Variants in FSD1L observed in about 807,000 individuals in gnomAD.
FSD1L encodes the protein FSD1-like protein.
FSD1L carries 45 observed loss-of-function variants against 71.6 expected under a neutral mutation model. The observed-to-expected ratio is 0.63, with a 90% CI of 0.49 to 0.81. FSD1L has a LOEUF of 0.81. Ranked by LOEUF, FSD1L falls within the 30% of genes least tolerant of loss-of-function variation. FSD1L has a pLI of 0.00. For synonymous variants in FSD1L, 197 were observed against 207.2 expected (o/e 0.95, Z 0.42); for missense variants, 561 against 618.1 (o/e 0.91, Z 0.98).
chr9:105,529,611 G>C (rs936605622), intron 10 of FSD1L, among the ~76,000 whole-genome samples: 2 of 152,028 alleles, frequency 1.3e-5, no homozygotes, highest in African/African-American at 4.8e-5. Flanking sequence ...ATCACACATG[G>C]GGCCTGTCGG....
Position 105,489,807 on chromosome 9 carries a change from C to T in FSD1L, c.586+5305C>T, listed in dbSNP as rs997489103. 1.1e-4 allele frequency among the ~76,000 whole-genome samples: 16 copies of T among 152,316 alleles called. No homozygotes were observed. In the Middle Eastern group the frequency reaches 0.01, roughly 97 times the overall value. On this transcript the variant is annotated intron_variant, in intron 7 of 13. Coordinates refer to ENST00000481272, the MANE Select transcript of FSD1L (RefSeq NM_001145313.3). ...TACTGAGAATGATGATTTCCAGTTT[C>T]ATCCACGTCCCTACAAAGGACATGA...
chr9:105,466,777 A>G (rs1831110379), intron 3 of FSD1L, among the ~76,000 whole-genome samples: 1 of 152,198 alleles, frequency 6.6e-6, no homozygotes. Flanking sequence ...GATAAGCATA[A>G]AACTCATGGC....
intron 13 of FSD1L, among the ~76,000 whole-genome samples, chr9:105,542,279 T>G (rs1020634064): frequency 2.3e-4 from 35 of 152,186 alleles, no homozygotes; most frequent in Non-Finnish European, 4.0e-4. Context: ...CCAGATTTTT[T>G]GTTGTTGTTA....
intron 1 of FSD1L, 55 bp from the exon 2 acceptor site, chr9:105,461,465 C>T: frequency 2.6e-6 from 2 of 764,442 alleles, no homozygotes; most frequent in Admixed American, 2.9e-5. Context: ...TCCTGTTTTT[C>T]CTTTACTTTT....
At chr9:105,522,147 A>G (rs1589071270) in intron 10 of FSD1L, 31 of 1,614,042 alleles carry the variant, frequency 1.9e-5, no homozygotes, top group Non-Finnish European at 2.5e-5. Context: ...GATCAAAGCA[A>G]ACCTAAATGT....
At chr9:105,509,669 A>G (rs998424899) in intron 9 of FSD1L, among the ~76,000 whole-genome samples, 1 of 152,232 alleles carries the variant, frequency 6.6e-6, no homozygotes, top group South Asian at 2.1e-4. Flanking sequence ...TAAGGCCTAT[A>G]AGTTATTGAT....
intron 10 of FSD1L, chr9:105,520,877 C>T: frequency 5.0e-6 from 8 of 1,612,196 alleles, no homozygotes; most frequent in Non-Finnish European, 6.8e-6. Flanking sequence ...ATCTCACAAG[C>T]TATTTTCTTG....
In FSD1L at chr9:105,506,519, A is replaced by T. The variant is rs1296705332; in HGVS notation, c.707A>T (p.Lys236Met). 36 of 1,551,368 alleles carry T rather than the reference A, an allele frequency of 2.3e-5. No individual in the cohort carries two copies. The highest frequency in any genetic ancestry group is 3.1e-5 in the Non-Finnish European group (35 of 1,146,778). ...KIDHFILEHR[K>M]TNFDGLPRVK... is the part of the protein sequence containing the mutation. Reference sequence around the variant, plus strand: ...GACCATTTTATACTGGAACATAGGAAGACTAATTTTGATGGACTTCCACGT... The same window carrying T: ...GACCATTTTATACTGGAACATAGGATGACTAATTTTGATGGACTTCCACGT... The change falls in exon 8 of 14, where the codon AAG (lysine) becomes ATG (methionine). Residue 236 changes from lysine (K) to methionine (M), a missense_variant. Transcript: ENST00000481272.
chr9:105,501,745 G>A (rs552954787), intron 7 of FSD1L, among the ~76,000 whole-genome samples: 12 of 151,924 alleles, frequency 7.9e-5, no homozygotes, highest in African/African-American at 2.7e-4. Flanking sequence ...TCATTTCCGC[G>A]TTTACATCTG....
intron 10 of FSD1L, among the ~76,000 whole-genome samples, chr9:105,518,983 T>C (rs1014111758): frequency 2.6e-5 from 4 of 152,132 alleles, no homozygotes; most frequent in Admixed American, 2.6e-4. Context: ...GATATCACCA[T>C]TGATCCCACA....
chr9:105,451,337 T>C (rs1347394848), intron 1 of FSD1L, among the ~76,000 whole-genome samples: 1 of 152,112 alleles, frequency 6.6e-6, no homozygotes, highest in Non-Finnish European at 1.5e-5. Context: ...CAGAGAAGAG[T>C]TGTTACATTC....
intron 10 of FSD1L, among the ~76,000 whole-genome samples, chr9:105,528,217 A>T (rs747128703): frequency 7.2e-5 from 11 of 152,352 alleles, no homozygotes; most frequent in Non-Finnish European, 1.3e-4. Flanking sequence ...CATACTGCTC[A>T]AAGTAATTTA....
At chr9:105,541,265 G>A (rs1024595416) in intron 13 of FSD1L, among the ~76,000 whole-genome samples, 1 of 149,422 alleles carries the variant, frequency 6.7e-6, no homozygotes, top group Admixed American at 6.7e-5. Context: ...AAAGATACTG[G>A]AAGGGAGGGT....
chr9:105,459,730 A>G (rs1306997651), intron 1 of FSD1L, among the ~76,000 whole-genome samples: 1 of 152,184 alleles, frequency 6.6e-6, no homozygotes, highest in African/African-American at 2.4e-5. Context: ...TTACTAATGT[A>G]TTCGGTAGCT....
At chr9:105,489,585 A>T (rs1832783756) in intron 7 of FSD1L, among the ~76,000 whole-genome samples, 1 of 152,140 alleles carries the variant, frequency 6.6e-6, no homozygotes, top group African/African-American at 2.4e-5. Context: ...TACATGTGCC[A>T]TGCTGGTGTG....
intron 7 of FSD1L, among the ~76,000 whole-genome samples, chr9:105,492,420 T>C (rs1333269555): frequency 2.0e-5 from 3 of 152,164 alleles, no homozygotes; most frequent in African/African-American, 7.2e-5. Flanking sequence ...TAGGAGTCTA[T>C]CAATTTTGTT....
intron 10 of FSD1L, chr9:105,525,086 A>C: frequency 1.3e-6 from 2 of 1,564,490 alleles, no homozygotes; most frequent in Non-Finnish European, 1.7e-6. Context: ...GGATTCTGCT[A>C]TACTGTATGG....
rs559226773 is a variant in FSD1L, at chr9:105,546,665, T to C, written c.*182T>C. 4.4e-5 allele frequency: 19 copies of C among 435,834 alleles called. No individual in the cohort carries two copies. In the Admixed American group the frequency reaches 6.0e-4, roughly 14 times the overall value. 27.0% of individuals were successfully genotyped at this position (435,834 alleles called of 1,614,324 possible). On this transcript the variant is annotated 3_prime_UTR_variant, in exon 14 of 14. Coordinates refer to ENST00000481272, the MANE Select transcript of FSD1L (RefSeq NM_001145313.3). ...TGCAGGAACCTACTGTGCAGTATCA[T>C]AGAAGCAAGCAGATACCAAGCAAAA...
intron 7 of FSD1L, among the ~76,000 whole-genome samples, chr9:105,504,579 T>C (rs1833943847): frequency 6.6e-6 from 1 of 152,190 alleles, no homozygotes; most frequent in African/African-American, 2.4e-5. Context: ...GCAAGAGTCA[T>C]CTCTCAGTAT....
Sources: allele counts gnomAD v4.1 joint callset (sites outside exome capture counted in the v4.1 genomes callset), GRCh38; gene constraint gnomAD v4.1.1; transcripts MANE v1.5; gene names NCBI Gene and HGNC (gene_info 2026-07-23, HGNC 2026-07-21).